The following RBAK variants were observed in gnomAD, a reference collection of about 807,000 sequenced individuals.
RBAK encodes RB associated KRAB zinc finger, also known as RB-associated KRAB zinc finger protein.
A neutral mutation model predicts 65.8 loss-of-function variants in RBAK; 39 were observed. That is an observed-to-expected ratio of 0.59 (90% CI 0.46 to 0.77). The LOEUF (loss-of-function observed/expected upper bound fraction) is 0.77. Ranked by LOEUF, RBAK falls within the 30% of genes least tolerant of loss-of-function variation. RBAK has a pLI of 0.00. For missense variants in RBAK, 884 were observed against 855.1 expected, an observed-to-expected ratio of 1.03 and a Z score of -0.42; for synonymous variants, 343 against 289.7, an observed-to-expected ratio of 1.18 and a Z score of -1.87.
Position 5,065,738 on chromosome 7 carries a change from A to C in RBAK, c.*137A>C, listed in dbSNP as rs569891147. ...TAGGCATTAGAGTCATTTTAATCCAAATTTTCACAGAGAAGAATCCCGAAG... is the reference window on the plus strand; with the variant it reads ...TAGGCATTAGAGTCATTTTAATCCACATTTTCACAGAGAAGAATCCCGAAG... On this transcript the variant is annotated 3_prime_UTR_variant, in exon 5 of 5. Transcript: ENST00000396912. The surrounding 1 kb of genome is among the most constrained non-coding windows in gnomAD (Gnocchi z 5.3). 4.8e-5 allele frequency: 27 copies of C among 567,562 alleles called. 1 individual carries two copies. The South Asian group carries it at 1.2e-3, about 25-fold the overall frequency. 35.2% of individuals were successfully genotyped at this position (567,562 alleles called of 1,614,324 possible).
chr7:5,065,372 C>CT lies in RBAK; in HGVS notation c.1917dup (p.Val640CysfsTer13). On this transcript the variant is annotated frameshift_variant, in exon 5 of 5. Transcript: ENST00000396912. LOFTEE classifies it high-confidence loss of function. The surrounding 1 kb of genome is among the most constrained non-coding windows in gnomAD (Gnocchi z 5.3). The stretch of plus-strand genomic sequence containing the variant: ...GTCTTCTCTCGGATGTCAAACCTCA[C>CT]TGTCCACTACAGAAGCCATTCAGGA... 1 of 1,613,436 alleles carries CT rather than the reference C, an allele frequency of 6.2e-7. No homozygotes were observed. Among genetic ancestry groups the CT allele is most frequent in the Non-Finnish European group, 8.5e-7 (1 of 1,179,700 alleles).
At position 5,046,403 on chromosome 7, in the gene RBAK, C is replaced by T; in HGVS notation, c.-45+7C>T. The T allele has an allele frequency of 1.9e-6, 1 of 514,912 alleles. No homozygotes were observed. The highest frequency in any genetic ancestry group is 3.9e-6 in the Non-Finnish European group (1 of 258,908). The allele number at this position is 514,912 out of a possible 1,614,324, so 31.9% of individuals were successfully genotyped here. On this transcript the variant is annotated splice_region_variant and intron_variant, in intron 1 of 4. Transcript: ENST00000396912. The stretch of plus-strand genomic sequence containing the variant: ...GCTGCGGAGCCCCAGAAGGGTAGGT[C>T]TTGGGTTTTCGGGCCCGGAGCGAGA...
rs933282842 is a variant in RBAK, at chr7:5,063,322, A to G, written c.239-373A>G. ...GTCCTCCCATCTTTGCCTGGATCTG[A>G]CGTACTTTCAACCACTTCTCTGCTC... On this transcript the variant is annotated intron_variant, in intron 4 of 4. Coordinates refer to ENST00000396912, the MANE Select transcript of RBAK (RefSeq NM_021163.4). Among the ~76,000 whole-genome samples the G allele has an allele frequency of 5.9e-5, 9 of 152,292 alleles. No individual in the cohort carries two copies. In the East Asian group the frequency reaches 1.3e-3, roughly 23 times the overall value.
At chr7:5,062,414 CT>C (rs1779100247) in intron 4 of RBAK, among the ~76,000 whole-genome samples, 1 of 152,222 alleles carries the variant, frequency 6.6e-6, no homozygotes, top group East Asian at 1.9e-4. Flanking sequence ...TTATTAGGGA[CT>C]TTCAAAAGGG....
In RBAK at chr7:5,069,110, GAT is replaced by G. The variant is rs1483637268; in HGVS notation, c.*3512_*3513del. ...AGTGTGTTTTGAGCTGTGCACTTAA[GAT>G]ATGTGTATTTTTCTGCATGTGTGTT... On this transcript the variant is annotated 3_prime_UTR_variant, in exon 5 of 5. Transcript: ENST00000396912. The G allele has an allele frequency of 6.6e-6, 1 of 152,182 alleles. No individual in the cohort carries two copies. The highest frequency in any genetic ancestry group is 1.5e-5 in the Non-Finnish European group (1 of 68,032). The allele number at this position is 152,182 out of a possible 1,614,324, so 9.4% of individuals were successfully genotyped here.
intron 2 of RBAK, among the ~76,000 whole-genome samples, chr7:5,054,222 T>C (rs111670490): frequency 2.0e-5 from 3 of 151,988 alleles, no homozygotes; most frequent in Non-Finnish European, 4.4e-5. Flanking sequence ...CTGGCCAACA[T>C]AGTGAAACCC....
At chr7:5,061,766 C>T (rs148610810) in intron 4 of RBAK, among the ~76,000 whole-genome samples, 1,624 of 151,870 alleles carry the variant, frequency 0.011, 20 homozygotes, top group African/African-American at 0.034. Flanking sequence ...GGTGCGGTGG[C>T]GTGTGCCTGT....
intron 4 of RBAK, among the ~76,000 whole-genome samples, chr7:5,062,250 G>A (rs180700948): frequency 1.1e-3 from 169 of 152,190 alleles, no homozygotes; most frequent in Non-Finnish European, 1.2e-3. Context: ...CGATAGTCAC[G>A]TAGGTTCTTT....
At chr7:5,047,405 CAG>C (rs1788013049) in intron 1 of RBAK, among the ~76,000 whole-genome samples, 1 of 151,988 alleles carries the variant, frequency 6.6e-6, no homozygotes, top group Non-Finnish European at 1.5e-5. Context: ...TCTCAACAAA[CAG>C]ACAAACCACA....
chr7:5,046,545 C>G (rs1377657583), intron 1 of RBAK, 149 bp downstream of exon 1: 4 of 344,332 alleles, frequency 1.2e-5, no homozygotes, highest in Non-Finnish European at 2.3e-5. Flanking sequence ...CCGGCTGCAC[C>G]GAACAGGCGC....
In RBAK at chr7:5,067,645, GGA is replaced by G. The variant is rs1779251379; in HGVS notation, c.*2045_*2046del. ...AATTGTCAAGGCTATCCTGTAGAAT[GGA>G]CAGAGAGGATTGAAATTTCTAAATA... is the stretch of plus-strand genomic sequence containing the variant. On this transcript the variant is annotated 3_prime_UTR_variant, in exon 5 of 5. Coordinates refer to ENST00000396912, the MANE Select transcript of RBAK (RefSeq NM_021163.4). The G allele has an allele frequency of 6.6e-6, 1 of 152,164 alleles. No individual in the cohort carries two copies. The highest frequency in any genetic ancestry group is 1.5e-5 in the Non-Finnish European group (1 of 68,022). 9.4% of individuals were successfully genotyped at this position (152,164 alleles called of 1,614,324 possible).
intron 2 of RBAK, among the ~76,000 whole-genome samples, chr7:5,054,758 A>G (rs1387079742): frequency 6.6e-6 from 1 of 152,048 alleles, no homozygotes; most frequent in Non-Finnish European, 1.5e-5. Flanking sequence ...CCATGTCCAA[A>G]TGGTGTTTTT....
In RBAK at chr7:5,064,394, A is replaced by G. The variant is rs939112388; in HGVS notation, c.938A>G (p.Glu313Gly). Residue 313 changes from glutamate (E) to glycine (G), a missense_variant, in exon 5 of 5, where the codon GAG (glutamate) becomes GGG (glycine). Glu to Gly is a moderately conservative substitution (Grantham distance 98, BLOSUM62 -2). Coordinates refer to ENST00000396912, the MANE Select transcript of RBAK (RefSeq NM_021163.4). This position sits in a 1 kb window ranked among gnomAD's most constrained non-coding sequence, Gnocchi z 6.3. ...TLTVHRRSHL[E>G]EKPYKCNECG... ...ACTGTACATCGGAGATCACACTTAGAGGAGAAGCCCTATAAATGTAATGAA... is the reference window on the plus strand; with the variant it reads ...ACTGTACATCGGAGATCACACTTAGGGGAGAAGCCCTATAAATGTAATGAA... The G allele has an allele frequency of 3.1e-6, 5 of 1,613,870 alleles. No individual in the cohort carries two copies. In the African/African-American group the frequency reaches 5.3e-5, roughly 17 times the overall value.
rs1779176059 is a variant in RBAK, at chr7:5,064,817, A to G, written c.1361A>G (p.Glu454Gly). ...ATACATTATAGAAGTCATTTAGAAGAGAAACCCTATGAATGTAATGAATGT... is the reference window on the plus strand; with the variant it reads ...ATACATTATAGAAGTCATTTAGAAGGGAAACCCTATGAATGTAATGAATGT... The part of the protein sequence containing the change: ...LTIHYRSHLE[E>G]KPYECNECGK... The change falls in exon 5 of 5, where the codon GAG (glutamate) becomes GGG (glycine). Residue 454 changes from glutamate (E) to glycine (G), a missense_variant. By Grantham distance (98) the Glu-to-Gly change is moderately conservative. Transcript: ENST00000396912. This position sits in a 1 kb window ranked among gnomAD's most constrained non-coding sequence, Gnocchi z 6.3. The G allele has an allele frequency of 6.2e-7, 1 of 1,614,048 alleles. No homozygotes were observed. Among genetic ancestry groups the G allele is most frequent in the African/African-American group, 1.3e-5 (1 of 74,934 alleles).
chr7:5,065,488 C>T lies in RBAK; in HGVS notation c.2032C>T (p.Pro678Ser), dbSNP rs200044347. Residue 678 changes from proline (P) to serine (S), a missense_variant, in exon 5 of 5, where the codon CCC becomes TCC. Pro to Ser is a moderately conservative substitution (Grantham distance 74, BLOSUM62 -1). Transcript: ENST00000396912. The surrounding 1 kb of genome is among the most constrained non-coding windows in gnomAD (Gnocchi z 5.3). Reference protein sequence around the residue: ...VHYRTHSGEKPYECNECGKKF... With the variant: ...VHYRTHSGEKSYECNECGKKF... ...CTATAGAACTCATTCAGGAGAGAAA[C>T]CCTATGAATGTAACGAGTGTGGGAA... The T allele has an allele frequency of 6.2e-6, 10 of 1,606,500 alleles. No individual in the cohort carries two copies. Among genetic ancestry groups the T allele is most frequent in the Non-Finnish European group, 8.5e-6 (10 of 1,174,354 alleles).
At chr7:5,058,781 G>C (rs28657632) in intron 4 of RBAK, among the ~76,000 whole-genome samples, 56 of 152,282 alleles carry the variant, frequency 3.7e-4, no homozygotes, top group African/African-American at 1.3e-3. Flanking sequence ...TCCTTTTCTT[G>C]CCTTTTCAGG....
At chr7:5,050,375 A>G (rs1367762868) in intron 2 of RBAK, among the ~76,000 whole-genome samples, 8 of 152,276 alleles carry the variant, frequency 5.3e-5, no homozygotes, top group Admixed American at 1.3e-4. Flanking sequence ...TGGAAGTCTA[A>G]TCAGGTTTAT....
chr7:5,057,658 A>C, intron 3 of RBAK, 26 bp from the exon 4 acceptor site: 2 of 1,613,518 alleles, frequency 1.2e-6, no homozygotes, highest in Non-Finnish European at 1.7e-6. Context: ...AGCTTCCCCA[A>C]GTCCTCCTTC....
chr7:5,055,275 T>C (rs1432274694), intron 2 of RBAK, among the ~76,000 whole-genome samples: 3 of 147,002 alleles, frequency 2.0e-5, no homozygotes, highest in African/African-American at 7.6e-5. Flanking sequence ...TGTGTGTGTG[T>C]GTGTGCGTGC....
Sources: gnomAD v4.1 joint callset for allele counts (sites outside exome capture counted in the v4.1 genomes callset) on GRCh38, gnomAD v4.1.1 for gene constraint, Gnocchi (gnomAD v3.1) non-coding constraint, MANE v1.5 for transcripts, NCBI Gene and HGNC (gene_info 2026-07-23, HGNC 2026-07-21) for gene names.